The following CSRNP1 variants were observed in gnomAD, a reference collection of about 807,000 sequenced individuals.
CSRNP1 encodes cysteine and serine rich nuclear protein 1, also known as cysteine/serine-rich nuclear protein 1.
In CSRNP1, 8 loss-of-function variants were observed where a neutral mutation model predicts 25.0. The ratio of observed to expected loss-of-function variants is 0.32; its 90% confidence interval spans 0.19 to 0.58. The LOEUF (loss-of-function observed/expected upper bound fraction) is 0.58. Ranked by LOEUF, CSRNP1 falls within the 20% of genes least tolerant of loss-of-function variation. The pLI is 0.88. For synonymous variants in CSRNP1, 305 were observed against 303.1 expected, an observed-to-expected ratio of 1.01 and a Z score of -0.06; for missense variants, 691 against 773.1, an observed-to-expected ratio of 0.89 and a Z score of 1.26.
chr3:39,145,316 A>T (rs2039493560), intron 2 of CSRNP1, 60 bp from the exon 3 acceptor site: 1 of 1,506,984 alleles, frequency 6.6e-7, no homozygotes, highest in Admixed American at 2.3e-5. Flanking sequence ...ACTTACCTCC[A>T]AAAAGATCAT....
chr3:39,153,280 G>A (rs2125890211), intron 1 of CSRNP1, 158 bp downstream of exon 1: 1 of 153,284 alleles, frequency 6.5e-6, no homozygotes, highest in East Asian at 1.9e-4. Context: ...CCCGACTCCG[G>A]CCGCGGCACG....
intron 1 of CSRNP1, among the ~76,000 whole-genome samples, chr3:39,147,730 A>T (rs2039536816): frequency 6.6e-6 from 1 of 151,820 alleles, no homozygotes; most frequent in Non-Finnish European, 1.5e-5. Context: ...AGCAGAAGAG[A>T]CTTGGGGCTC....
rs1352204708 is a variant in CSRNP1 at position 39,144,423 on chromosome 3, T to C, written c.494A>G (p.Glu165Gly). The C allele has an allele frequency of 1.8e-5, 29 of 1,609,284 alleles. No homozygotes were observed. Among genetic ancestry groups the C allele is most frequent in the Non-Finnish European group, 2.5e-5 (29 of 1,177,044 alleles). Residue 165 changes from glutamate to glycine, a missense_variant, in exon 4 of 5, where the codon GAG (glutamate) becomes GGG (glycine). Transcript: ENST00000273153. Reference sequence around the variant, plus strand: ...ATCCACCACAGGTGGCAGCCCTGCCTCTGCCTGGGGTACCCCAGCTGCCGA... The same window carrying C: ...ATCCACCACAGGTGGCAGCCCTGCCCCTGCCTGGGGTACCCCAGCTGCCGA... ...KLSAAGVPQA[E>G]AGLPPVVDAI...
At position 39,144,480 on chromosome 3, in the gene CSRNP1, A is replaced by C. The variant is rs2039477062; in HGVS notation, c.466-29T>G. The C allele has an allele frequency of 1.9e-6, 3 of 1,565,284 alleles. No homozygotes were observed. The East Asian group carries it at 6.7e-5, about 35-fold the overall frequency. ...CATCCACAGGAAAGAGGGATGTAAG[A>C]AGCACAGACATGGACATGGGCTTAG... On this transcript the variant is annotated intron_variant, in intron 3 of 4. Transcript: ENST00000273153.
intron 3 of CSRNP1, 22 bp from the exon 4 acceptor site, chr3:39,144,473 A>T (rs1559731238): frequency 6.3e-7 from 1 of 1,581,800 alleles, no homozygotes; most frequent in Admixed American, 1.7e-5. Context: ...GGAAAGAGGG[A>T]TGTAAGAAGC....
chr3:39,147,805 A>T lies in CSRNP1; in HGVS notation c.-40-1083T>A, dbSNP rs140551411. ...GGTTTGGCAAGCCCCAGAGGACTCA[A>T]TCCCAAAGGCTGAGTACAGCTACCT... On this transcript the variant is annotated intron_variant, in intron 1 of 4. Transcript: ENST00000273153. Among the ~76,000 whole-genome samples, 140 of 152,244 alleles carry T rather than the reference A, an allele frequency of 9.2e-4. 2 individuals carry two copies. In the East Asian group the frequency reaches 0.024, roughly 26 times the overall value.
chr3:39,143,823 C>A lies in CSRNP1; in HGVS notation c.1002G>T (p.Leu334=), dbSNP rs765475804. 3.7e-6 allele frequency: 6 copies of A among 1,614,080 alleles called. No homozygotes were observed. The highest frequency in any genetic ancestry group is 3.4e-6 in the Non-Finnish European group (4 of 1,180,026). The change falls in exon 5 of 5, where the codon CTG becomes CTT. Residue 334 remains leucine (L), a synonymous_variant. Transcript: ENST00000273153. ...GCTCATTGTTCATGGGGGGCTTGGC[C>A]AGTGGGAAAGTAGGGACCAGGGCCT... is the stretch of plus-strand genomic sequence containing the variant. ...GEEALVPTFP[L]AKPPMNNELG... is the part of the protein sequence containing the mutation.
Position 39,143,307 on chromosome 3 carries a change from C to T in CSRNP1, c.1518G>A (p.Glu506=), listed in dbSNP as rs1243269692. 1 of 1,614,202 alleles carries T rather than the reference C, an allele frequency of 6.2e-7. No individual in the cohort carries two copies. Among genetic ancestry groups the T allele is most frequent in the East Asian group, 2.2e-5 (1 of 44,884 alleles). ...TATAATCTGGCAGAGCCTGGAGTAA[C>T]TCAAAGGAGTCACAAGAAGACAAGC... ...DLSLSSCDSF[E]LLQALPDYSL... is the part of the protein sequence containing the mutation. Residue 506 remains glutamate, a synonymous_variant, in exon 5 of 5, where the codon GAG becomes GAA. Transcript: ENST00000273153.
rs1191233813 is a variant in CSRNP1, at chr3:39,150,334, T to A, written c.-41+3104A>T. The A allele has an allele frequency of 3.3e-5, 5 of 152,290 alleles. No individual in the cohort carries two copies. In the South Asian group the frequency reaches 6.2e-4, roughly 19 times the overall value. 9.4% of individuals were successfully genotyped at this position (152,290 alleles called of 1,614,324 possible). A position where few individuals can be genotyped will look rare whatever the true frequency, so the allele number is the denominator to read the frequency against. On this transcript the variant is annotated intron_variant, in intron 1 of 4. Transcript: ENST00000273153. ...GAGGGCATTTCTCTCTGGCTGCCCA[T>A]GTGCCCATGTCTAGGACAGAGTCTG...
upstream of CSRNP1, chr3:39,153,778 C>A (rs1277693310): frequency 6.6e-6 from 1 of 151,586 alleles, no homozygotes; most frequent in African/African-American, 2.4e-5. Flanking sequence ...TGTGACCCGG[C>A]GACTGCGCCT....
rs2039420405 is a variant in CSRNP1, at chr3:39,142,148, A to G, written c.*907T>C. 1 of 152,418 alleles carries G rather than the reference A, an allele frequency of 6.6e-6. No individual in the cohort carries two copies. The highest frequency in any genetic ancestry group is 1.5e-5 in the Non-Finnish European group (1 of 68,042). 9.4% of individuals were successfully genotyped at this position (152,418 alleles called of 1,614,324 possible). ...GCCACGCTGAAGTGCAGTGCCCAGAAAGCCCTGAGATAATAGTCTGGGGCA... is the reference window on the plus strand; with the variant it reads ...GCCACGCTGAAGTGCAGTGCCCAGAGAGCCCTGAGATAATAGTCTGGGGCA... On this transcript the variant is annotated 3_prime_UTR_variant, in exon 5 of 5. Coordinates refer to ENST00000273153, the MANE Select transcript of CSRNP1 (RefSeq NM_033027.4).
At chr3:39,151,840 A>T (rs1003108803) in intron 1 of CSRNP1, 3 of 152,342 alleles carry the variant, frequency 2.0e-5, no homozygotes, top group African/African-American at 7.2e-5. Context: ...TTTGGCCTCC[A>T]GGACCTGGCA....
At chr3:39,151,695 G>GGGCACCTCCC (rs2039584006) in intron 1 of CSRNP1, 1 of 152,376 alleles carries the variant, frequency 6.6e-6, no homozygotes, top group African/African-American at 2.4e-5. Context: ...GAGAAGGGGA[G>GGGCACCTCCC]GGCACCTCCC....
rs753190970 is a variant in CSRNP1, at chr3:39,144,173, C to G, written c.744G>C (p.Glu248Asp). 1 of 1,614,066 alleles carries G rather than the reference C, an allele frequency of 6.2e-7. No individual in the cohort carries two copies. The change falls in exon 4 of 5, where the codon GAG becomes GAC. Residue 248 changes from glutamate to aspartate, a missense_variant. Physicochemically the swap from Glu to Asp is conservative, Grantham distance 45. Transcript: ENST00000273153. ...GCHCDRICDPETCSCSLAGIK... is the reference protein window; with the variant it reads ...GCHCDRICDPDTCSCSLAGIK... ...TGCCTGCCAGGCTGCAGCTGCAGGT[C>G]TCAGGGTCGCAGATCCTATCGCAGT...
intron 1 of CSRNP1, among the ~76,000 whole-genome samples, chr3:39,147,055 AC>A (rs2039522888): frequency 6.6e-6 from 1 of 151,222 alleles, no homozygotes; most frequent in Non-Finnish European, 1.5e-5. Context: ...AAACACACAC[AC>A]ACACACACAC....
rs565092792 is a variant in CSRNP1, at chr3:39,147,910, C to G, written c.-40-1188G>C. Among the ~76,000 whole-genome samples the G allele has an allele frequency of 2.6e-5, 4 of 152,224 alleles. No homozygotes were observed. In the East Asian group the frequency reaches 7.7e-4, roughly 29 times the overall value. On this transcript the variant is annotated intron_variant, in intron 1 of 4. Transcript: ENST00000273153. Reference sequence around the variant, plus strand: ...GGAAGTTGAAGCTGAGGCCGAGGCCCCAGTGCTGGGGAACCCTTCCCCCAC... The same window carrying G: ...GGAAGTTGAAGCTGAGGCCGAGGCCGCAGTGCTGGGGAACCCTTCCCCCAC...
At position 39,143,569 on chromosome 3, in the gene CSRNP1, T is replaced by C. The variant is rs746445033; in HGVS notation, c.1256A>G (p.Asn419Ser). 6.2e-7 allele frequency: 1 copy of C among 1,614,030 alleles called. No individual in the cohort carries two copies. Among genetic ancestry groups the C allele is most frequent in the South Asian group, 1.1e-5 (1 of 91,060 alleles). Residue 419 changes from asparagine to serine, a missense_variant, in exon 5 of 5, where the codon AAC (asparagine) becomes AGC (serine). By Grantham distance (46) the Asn-to-Ser change is conservative (BLOSUM62 1). Coordinates refer to ENST00000273153, the MANE Select transcript of CSRNP1 (RefSeq NM_033027.4). ...GTCAGCTGGATGGAAGCAGCTGAGG[T>C]TGTCCAGGTTCCCCACGCTCCCTTC... Reference protein sequence around the residue: ...EEEGSVGNLDNLSCFHPADIF... With the variant: ...EEEGSVGNLDSLSCFHPADIF...
At position 39,143,608 on chromosome 3, in the gene CSRNP1, T is replaced by C; in HGVS notation, c.1217A>G (p.Glu406Gly). Residue 406 changes from glutamate (E) to glycine (G), a missense_variant, in exon 5 of 5, where the codon GAG (glutamate) becomes GGG (glycine). Glu to Gly is a moderately conservative substitution (Grantham distance 98, BLOSUM62 -2). Coordinates refer to ENST00000273153, the MANE Select transcript of CSRNP1 (RefSeq NM_033027.4). ...CACGCTCCCTTCCTCCTCTTCCTCCTCCTCCCCACCGAAGTCAGAGTCACT... is the reference window on the plus strand; with the variant it reads ...CACGCTCCCTTCCTCCTCTTCCTCCCCCTCCCCACCGAAGTCAGAGTCACT... ...SFSDSDFGGE[E>G]EEEEEGSVGN... The C allele has an allele frequency of 6.2e-7, 1 of 1,613,956 alleles. No individual in the cohort carries two copies. The highest frequency in any genetic ancestry group is 8.5e-7 in the Non-Finnish European group (1 of 1,179,994).
chr3:39,143,879 C>A lies in CSRNP1; in HGVS notation c.946G>T (p.Ala316Ser). ...AESFRELEAP[A>S]QGSPPSPGEE... is the part of the protein sequence containing the mutation. ...CCAGGGCTGGGTGGGCTGCCCTGGG[C>A]AGGGGCCTCCAGCTCCCTAAAGCTC... The change falls in exon 5 of 5, where the codon GCC becomes TCC. Residue 316 changes from alanine to serine, a missense_variant. Ala to Ser is a moderately conservative substitution (Grantham distance 99). Coordinates refer to ENST00000273153, the MANE Select transcript of CSRNP1 (RefSeq NM_033027.4). 6.2e-7 allele frequency: 1 copy of A among 1,614,194 alleles called. No homozygotes were observed. Among genetic ancestry groups the A allele is most frequent in the East Asian group, 2.2e-5 (1 of 44,874 alleles).
Sources: allele counts gnomAD v4.1 joint callset (sites outside exome capture counted in the v4.1 genomes callset), GRCh38; gene constraint gnomAD v4.1.1; transcripts MANE v1.5; gene names NCBI Gene and HGNC (gene_info 2026-07-23, HGNC 2026-07-21).